Variants in ETNK1 observed in about 807,000 individuals in gnomAD.
The protein encoded by ETNK1 is putative protein product of Nbla10396.
ETNK1 carries 8 observed loss-of-function variants against 45.1 expected under a neutral mutation model. That is an observed-to-expected ratio of 0.18 (90% CI 0.10 to 0.32). The LOEUF is 0.32. Ranked by LOEUF, ETNK1 falls within the 10% of genes least tolerant of loss-of-function variation. The pLI, the probability that ETNK1 is intolerant of heterozygous loss-of-function variation, is 1.00. For synonymous variants in ETNK1, 152 were observed against 151.9 expected (o/e 1.00, Z -0.01); for missense variants, 302 against 430.6 (o/e 0.70, Z 2.64).
At chr12:22,639,581 G>T (rs11046509) in intron 1 of ETNK1, among the ~76,000 whole-genome samples, 1 of 151,828 alleles carries the variant, frequency 6.6e-6, no homozygotes, top group Admixed American at 6.6e-5. Flanking sequence ...GGAGGCTGAG[G>T]CAGGAGAGTC....
At chr12:22,630,052 C>T (rs562897267) in intron 1 of ETNK1, among the ~76,000 whole-genome samples, 120 of 152,298 alleles carry the variant, frequency 7.9e-4, no homozygotes, top group Middle Eastern at 3.4e-3. Context: ...AGCCATGTAA[C>T]TTGGACTACA....
In ETNK1 at chr12:22,659,136, A is replaced by G. The variant is rs765440904; in HGVS notation, c.539A>G (p.Asp180Gly). 51 of 1,613,136 alleles carry G rather than the reference A, an allele frequency of 3.2e-5. No homozygotes were observed. Among genetic ancestry groups the G allele is most frequent in the Non-Finnish European group, 4.3e-5 (51 of 1,179,664 alleles). The change falls in exon 3 of 8, where the codon GAT becomes GGT. Residue 180 changes from aspartate (D) to glycine (G), a missense_variant. By Grantham distance (94) the Asp-to-Gly change is moderately conservative. This residue lies in a region of ETNK1 where 205 missense variants were observed against 259.9 expected (regional missense o/e 0.79). Coordinates refer to ENST00000266517, the MANE Select transcript of ETNK1 (RefSeq NM_018638.5). ...TCTCTCATTCCCACAGGATTTGCAG[A>G]TGAAGACATTAATAAAAGGTAAAAT... is the stretch of plus-strand genomic sequence containing the variant. ...YFSLIPTGFA[D>G]EDINKRFLSD...
chr12:22,669,424 C>A (rs1403516442), intron 4 of ETNK1, among the ~76,000 whole-genome samples: 1 of 151,522 alleles, frequency 6.6e-6, no homozygotes, highest in East Asian at 1.9e-4. Flanking sequence ...GCATTATTTA[C>A]ATATTTTTTT....
chr12:22,663,219 G>C (rs1954024161), intron 4 of ETNK1, among the ~76,000 whole-genome samples: 1 of 152,104 alleles, frequency 6.6e-6, no homozygotes, highest in Admixed American at 6.5e-5. Flanking sequence ...TGTGAGACTA[G>C]AGCATTAGTT....
chr12:22,689,190 G>T lies in ETNK1; in HGVS notation c.*4236G>T, dbSNP rs1438434443. 2.0e-5 allele frequency: 3 copies of T among 151,892 alleles called. No homozygotes were observed. Among genetic ancestry groups the T allele is most frequent in the Non-Finnish European group, 4.4e-5 (3 of 67,808 alleles). The allele number at this position is 151,892 out of a possible 1,614,324, so 9.4% of individuals were successfully genotyped here. A position where few individuals can be genotyped will look rare whatever the true frequency, so the allele number is the denominator to read the frequency against. ...TCATTTCTGGATTGCAGTTTGAAAT[G>T]GAATGAAGACCTGAATTATTTGGGT... On this transcript the variant is annotated 3_prime_UTR_variant, in exon 8 of 8. Coordinates refer to ENST00000266517, the MANE Select transcript of ETNK1 (RefSeq NM_018638.5).
At chr12:22,646,071 T>A (rs757810317) in intron 2 of ETNK1, among the ~76,000 whole-genome samples, 50 of 151,846 alleles carry the variant, frequency 3.3e-4, no homozygotes, top group Non-Finnish European at 5.3e-4. Flanking sequence ...CAAAAGAAGA[T>A]GACACTGAAG....
intron 5 of ETNK1, among the ~76,000 whole-genome samples, chr12:22,673,003 T>C (rs572696325): frequency 2.0e-5 from 3 of 152,104 alleles, no homozygotes; most frequent in Non-Finnish European, 4.4e-5. Context: ...TGGTTCTATG[T>C]ATAAGGTCTC....
intron 4 of ETNK1, among the ~76,000 whole-genome samples, chr12:22,667,489 A>C (rs1954065152): frequency 6.6e-6 from 1 of 152,166 alleles, no homozygotes; most frequent in Non-Finnish European, 1.5e-5. Context: ...ACAGATACTT[A>C]CATTTAGAAT....
chr12:22,676,340 A>G lies in ETNK1; in HGVS notation c.945+2680A>G, dbSNP rs145967216. 9.7e-4 allele frequency among the ~76,000 whole-genome samples: 148 copies of G among 152,200 alleles called. 1 individual carries two copies. Among genetic ancestry groups the G allele is most frequent in the African/African-American group, 3.4e-3 (140 of 41,502 alleles). On this transcript the variant is annotated intron_variant, in intron 6 of 7. Coordinates refer to ENST00000266517, the MANE Select transcript of ETNK1 (RefSeq NM_018638.5). ...ATGTTCCTGCAAAGGACATGAACTC[A>G]TCGTTTTTGATGGCTGTTTAGTATT...
chr12:22,649,257 T>G (rs1953844554), intron 2 of ETNK1, among the ~76,000 whole-genome samples: 2 of 152,118 alleles, frequency 1.3e-5, no homozygotes, highest in African/African-American at 4.8e-5. Context: ...TCATGGATCA[T>G]GCCTTTGGTG....
chr12:22,626,557 TTTG>T (rs1263196165), intron 1 of ETNK1, among the ~76,000 whole-genome samples: 3 of 152,236 alleles, frequency 2.0e-5, no homozygotes, highest in Non-Finnish European at 4.4e-5. Context: ...TTCACCAATA[TTTG>T]TTGATTTATT....
chr12:22,683,233 A>G (rs962651566), intron 6 of ETNK1, among the ~76,000 whole-genome samples: 5 of 150,806 alleles, frequency 3.3e-5, no homozygotes, highest in African/African-American at 1.2e-4. Context: ...TTCTATCTCT[A>G]TATCAGGAAA....
chr12:22,637,547 CTTTGTA>C (rs779180588), intron 1 of ETNK1, among the ~76,000 whole-genome samples: 6 of 152,130 alleles, frequency 3.9e-5, no homozygotes, highest in Non-Finnish European at 7.4e-5. Context: ...GCACATGTGC[CTTTGTA>C]TGTGTTGGGG....
At chr12:22,664,903 A>T (rs1031401854) in intron 4 of ETNK1, among the ~76,000 whole-genome samples, 1 of 152,144 alleles carries the variant, frequency 6.6e-6, no homozygotes, top group Non-Finnish European at 1.5e-5. Context: ...CAAGCTCAGT[A>T]TTTGTCTGCA....
At chr12:22,643,569 A>G (rs1953766684) in intron 1 of ETNK1, among the ~76,000 whole-genome samples, 194 bp from the exon 2 acceptor site, 1 of 152,102 alleles carries the variant, frequency 6.6e-6, no homozygotes, top group South Asian at 2.1e-4. Context: ...TGTTAACATT[A>G]GTGGTTCTCT....
At chr12:22,639,327 A>T (rs111715328) in intron 1 of ETNK1, among the ~76,000 whole-genome samples, 7,954 of 152,082 alleles carry the variant, frequency 0.052, 663 homozygotes, top group African/African-American at 0.18. Flanking sequence ...GATTATAGGC[A>T]TGAGCCACCA....
At chr12:22,647,173 G>A (rs950261532) in intron 2 of ETNK1, among the ~76,000 whole-genome samples, 5 of 151,802 alleles carry the variant, frequency 3.3e-5, no homozygotes, top group South Asian at 4.1e-4. Context: ...AAATTCAAAA[G>A]TGTTTAGAAA....
intron 7 of ETNK1, 92 bp from the exon 8 acceptor site, chr12:22,684,790 A>G (rs981938948): frequency 9.5e-7 from 1 of 1,050,914 alleles, no homozygotes; most frequent in African/African-American, 1.6e-5. Context: ...TTAAACTTTA[A>G]GAAAACCAGC....
chr12:22,628,592 T>A (rs568087799), intron 1 of ETNK1, among the ~76,000 whole-genome samples: 1 of 152,230 alleles, frequency 6.6e-6, no homozygotes, highest in Admixed American at 6.5e-5. Flanking sequence ...AAGTCAGATC[T>A]CAGGTCCATA....
Sources: allele counts gnomAD v4.1 joint callset (sites outside exome capture counted in the v4.1 genomes callset), GRCh38; gene constraint gnomAD v4.1.1; regional missense constraint gnomAD v4.1.1; transcripts MANE v1.5; gene names NCBI Gene and HGNC (gene_info 2026-07-23, HGNC 2026-07-21).